Variants in FAM184A observed in about 807,000 individuals in gnomAD.
FAM184A encodes the protein protein FAM184A.
Under a neutral mutation model 143.8 loss-of-function variants are expected in FAM184A, and 99 were observed. That is an observed-to-expected ratio of 0.69 (90% CI 0.58 to 0.81). The LOEUF (loss-of-function observed/expected upper bound fraction) is 0.81. FAM184A is among the 40% of genes least tolerant of loss of function. The pLI, the probability that FAM184A is intolerant of heterozygous loss-of-function variation, is 0.00. For synonymous variants in FAM184A, 427 were observed against 446.4 expected (o/e 0.96, Z 0.55); for missense variants, 1,217 against 1,310.5 (o/e 0.93, Z 1.10).
At position 118,964,814 on chromosome 6, in the gene FAM184A, G is replaced by A. The variant is rs1250799134; in HGVS notation, c.3034-43C>T. 4 of 1,063,542 alleles carry A rather than the reference G, an allele frequency of 3.8e-6. 1 individual carries two copies. The South Asian group carries it at 4.4e-5, about 12-fold the overall frequency. 65.9% of individuals were successfully genotyped at this position (1,063,542 alleles called of 1,614,324 possible). A position where few individuals can be genotyped will look rare whatever the true frequency, so the allele number is the denominator to read the frequency against. ...AAACATCTTTTAAATATTTTCTATG[G>A]AATATTTTAAAAACATAAATGTATA... On this transcript the variant is annotated intron_variant, in intron 15 of 17. Coordinates refer to ENST00000338891, the MANE Select transcript of FAM184A (RefSeq NM_024581.6).
At chr6:118,988,482 A>G (rs1784259957) in intron 9 of FAM184A, among the ~76,000 whole-genome samples, 1 of 152,230 alleles carries the variant, frequency 6.6e-6, no homozygotes. Flanking sequence ...CAAGATAACT[A>G]TTCAAAGCAT....
rs1783804673 is a variant in FAM184A at position 118,975,007 on chromosome 6, T to G, written c.2768+17A>C. The G allele has an allele frequency of 6.3e-7, 1 of 1,595,732 alleles. No homozygotes were observed. Among genetic ancestry groups the G allele is most frequent in the South Asian group, 1.1e-5 (1 of 89,418 alleles). ...AGATGACACTGCATATTCCTTCTGT[T>G]GTACTTAATGGCATACCTTATCTGT... On this transcript the variant is annotated intron_variant, in intron 13 of 17. Coordinates refer to ENST00000338891, the MANE Select transcript of FAM184A (RefSeq NM_024581.6).
intron 1 of FAM184A, among the ~76,000 whole-genome samples, chr6:119,089,776 C>T (rs901318037): frequency 1.3e-5 from 2 of 152,140 alleles, no homozygotes; most frequent in Non-Finnish European, 2.9e-5. Flanking sequence ...TAGATGGCTG[C>T]ATATTGGTAA....
intron 1 of FAM184A, among the ~76,000 whole-genome samples, chr6:119,140,280 G>A (rs758886177): frequency 7.9e-5 from 12 of 152,268 alleles, no homozygotes; most frequent in Non-Finnish European, 1.5e-5. Context: ...GCAGGAGAAT[G>A]CATTTTCTGG....
intron 1 of FAM184A, among the ~76,000 whole-genome samples, chr6:119,033,306 C>T (rs1785959918): frequency 6.6e-6 from 1 of 152,152 alleles, no homozygotes; most frequent in South Asian, 2.1e-4. Context: ...ACCTATTTTA[C>T]TGGTGATCAA....
At chr6:118,999,072 G>C (rs1351194109) in intron 9 of FAM184A, among the ~76,000 whole-genome samples, 1 of 152,142 alleles carries the variant, frequency 6.6e-6, no homozygotes, top group South Asian at 2.1e-4. Flanking sequence ...GATCTATTTT[G>C]AAGGTAGAGC....
chr6:119,112,463 C>T (rs1467939242), intron 1 of FAM184A, among the ~76,000 whole-genome samples: 1 of 152,200 alleles, frequency 6.6e-6, no homozygotes, highest in African/African-American at 2.4e-5. Context: ...CGTGCCATGA[C>T]TTCCATCCGG....
intron 1 of FAM184A, among the ~76,000 whole-genome samples, chr6:119,125,396 C>T (rs1466420485): frequency 6.6e-6 from 1 of 152,186 alleles, no homozygotes; most frequent in Non-Finnish European, 1.5e-5. Flanking sequence ...CTGCCTCAGC[C>T]TCCCGAGTAG....
intron 1 of FAM184A, among the ~76,000 whole-genome samples, chr6:119,028,586 G>A (rs559888961): frequency 2.6e-5 from 4 of 152,150 alleles, no homozygotes; most frequent in Non-Finnish European, 5.9e-5. Flanking sequence ...TGGAGGTGCT[G>A]GGAGGGTGGC....
chr6:118,990,250 T>C (rs1205207687), intron 9 of FAM184A, among the ~76,000 whole-genome samples: 1 of 152,214 alleles, frequency 6.6e-6, no homozygotes, highest in African/African-American at 2.4e-5. Context: ...AATATGTATG[T>C]TATTTAAGAT....
At chr6:119,121,240 T>C (rs1005453506) in intron 1 of FAM184A, among the ~76,000 whole-genome samples, 9 of 152,138 alleles carry the variant, frequency 5.9e-5, no homozygotes, top group African/African-American at 2.2e-4. Flanking sequence ...CAAGAGATCC[T>C]CCCACCTCAG....
At chr6:119,105,154 G>A (rs1321370720) in intron 1 of FAM184A, among the ~76,000 whole-genome samples, 1 of 152,124 alleles carries the variant, frequency 6.6e-6, no homozygotes, top group Non-Finnish European at 1.5e-5. Context: ...ATAAAATGTG[G>A]ACTTTAGTTA....
rs766546667 is a variant in FAM184A at position 118,966,860 on chromosome 6, C to T, written c.3008G>A (p.Arg1003Lys). Residue 1003 changes from arginine (R) to lysine (K), a missense_variant, in exon 15 of 18, where the codon AGA (arginine) becomes AAA (lysine). Arg to Lys is a conservative substitution (Grantham distance 26). Transcript: ENST00000338891. Reference protein sequence around the residue: ...ITELKAMLTERDQIIKKLIED... With the variant: ...ITELKAMLTEKDQIIKKLIED... ...AATTAGTTTCTTTATGATCTGGTCT[C>T]TTTCTGTAAGCATGGCTTTTAATTC... The T allele has an allele frequency of 6.3e-7, 1 of 1,589,292 alleles. No individual in the cohort carries two copies. The highest frequency in any genetic ancestry group is 1.1e-5 in the South Asian group (1 of 89,500).
intron 1 of FAM184A, among the ~76,000 whole-genome samples, chr6:119,130,386 C>T (rs1279588070): frequency 1.3e-5 from 2 of 152,162 alleles, no homozygotes; most frequent in Non-Finnish European, 2.9e-5. Context: ...GATTCAATTG[C>T]CATTAGACAC....
intron 7 of FAM184A, chr6:119,006,146 G>A (rs781154743): frequency 2.2e-5 from 17 of 765,146 alleles, no homozygotes; most frequent in South Asian, 2.0e-4. Flanking sequence ...TTATGTTGCC[G>A]AATGCCAAGA....
rs944019652 is a variant in FAM184A at position 119,078,025 on chromosome 6, C to T, written c.159+116G>A. The T allele has an allele frequency of 3.3e-4, 404 of 1,220,986 alleles. No individual in the cohort carries two copies. Among genetic ancestry groups the T allele is most frequent in the Non-Finnish European group, 3.4e-4 (305 of 901,810 alleles). 75.6% of individuals were successfully genotyped at this position (1,220,986 alleles called of 1,614,324 possible). A position where few individuals can be genotyped will look rare whatever the true frequency, so the allele number is the denominator to read the frequency against. ...GAGGTGTCTCCGGCTGTTGCTTCGG[C>T]GGAGGAGTAGAGTTCCCCTCGCTGC... On this transcript the variant is annotated intron_variant, in intron 1 of 17. Coordinates refer to ENST00000338891, the MANE Select transcript of FAM184A (RefSeq NM_024581.6). The surrounding 1 kb of genome is among the most constrained non-coding windows in gnomAD (Gnocchi z 5.5).
rs370883357 is a variant in FAM184A, at chr6:119,118,409, G to A, written c.-202+30669C>T. The stretch of plus-strand genomic sequence containing the variant: ...AGTTACCTTTATTATTGTGGGAAAT[G>A]ATCTCAACAGAGTTTATAAAGCTAT... On this transcript the variant is annotated intron_variant, in intron 1 of 16. Coordinates refer to the FAM184A transcript ENST00000352896. 1.9e-4 allele frequency among the ~76,000 whole-genome samples: 29 copies of A among 152,280 alleles called. No individual in the cohort carries two copies. The East Asian group carries it at 2.1e-3, about 11-fold the overall frequency.
chr6:119,075,703 T>C (rs1424614309), intron 1 of FAM184A, among the ~76,000 whole-genome samples: 1 of 152,226 alleles, frequency 6.6e-6, no homozygotes, highest in Admixed American at 6.5e-5. Flanking sequence ...AACACACCTC[T>C]GCTAATATGA....
chr6:119,095,712 C>T (rs530093306), intron 1 of FAM184A, among the ~76,000 whole-genome samples: 1 of 152,230 alleles, frequency 6.6e-6, no homozygotes, highest in African/African-American at 2.4e-5. Context: ...GTGCACACCA[C>T]CACACCTGGC....
Sources: gnomAD v4.1 joint callset for allele counts (sites outside exome capture counted in the v4.1 genomes callset) on GRCh38, gnomAD v4.1.1 for gene constraint, Gnocchi (gnomAD v3.1) non-coding constraint, MANE v1.5 for transcripts, NCBI Gene and HGNC (gene_info 2026-07-23, HGNC 2026-07-21) for gene names.